Variants in GLI2 observed in about 807,000 individuals in gnomAD.
The protein encoded by GLI2 is GLI family zinc finger 2.
In GLI2, 22 loss-of-function variants were observed where a neutral mutation model predicts 78.9. The observed-to-expected ratio is 0.28, with a 90% CI of 0.20 to 0.40. The LOEUF is 0.40. GLI2 is among the 10% of genes least tolerant of loss of function. The probability of loss-of-function intolerance (pLI) is 1.00; values close to 1 mark genes in which losing one functional copy is unlikely to be tolerated. For synonymous variants in GLI2, 974 were observed against 963.7 expected (o/e 1.01, Z -0.20); for missense variants, 2,097 against 2,213.2 (o/e 0.95, Z 1.05).
chr2:120,782,009 T>A (rs1329376216), intron 1 of GLI2, among the ~76,000 whole-genome samples: 1 of 152,250 alleles, frequency 6.6e-6, no homozygotes, highest in Non-Finnish European at 1.5e-5. Flanking sequence ...GCAGTTATAG[T>A]GTGTATGCAA....
intron 11 of GLI2, among the ~76,000 whole-genome samples, chr2:120,983,264 A>G (rs886080299): frequency 3.9e-5 from 6 of 151,946 alleles, no homozygotes; most frequent in African/African-American, 1.5e-4. Flanking sequence ...TCTGCTCCCT[A>G]TTACTTGGGG....
At chr2:120,813,848 T>G (rs966855857) in intron 2 of GLI2, among the ~76,000 whole-genome samples, 2 of 152,214 alleles carry the variant, frequency 1.3e-5, no homozygotes, top group African/African-American at 4.8e-5. Flanking sequence ...AGATGCATTT[T>G]CTAAGGTTAC....
rs922339682 is a variant in GLI2 at position 120,882,785 on chromosome 2, G to T, written c.149-44576G>T. Among the ~76,000 whole-genome samples the T allele has an allele frequency of 2.6e-5, 4 of 152,074 alleles. No individual in the cohort carries two copies. In the South Asian group the frequency reaches 6.2e-4, roughly 24 times the overall value. On this transcript the variant is annotated intron_variant, in intron 2 of 13. Transcript: ENST00000361492. ...TGGTCTCACATCTGGTCTTAAGTGGGTCTTTTTTTTTTCTTCTCATTTTGT... is the reference window on the plus strand; with the variant it reads ...TGGTCTCACATCTGGTCTTAAGTGGTTCTTTTTTTTTTCTTCTCATTTTGT...
At position 120,822,193 on chromosome 2, in the gene GLI2, G is replaced by C. The variant is rs368611127; in HGVS notation, c.148+24725G>C. Among the ~76,000 whole-genome samples the C allele has an allele frequency of 5.9e-5, 9 of 152,358 alleles. No individual in the cohort carries two copies. In the South Asian group the frequency reaches 1.9e-3, roughly 32 times the overall value. ...GCAAGGATTGTTACAAGGGTTGAGT[G>C]AGCTGTTATCAGCGAAGCACTGAAC... On this transcript the variant is annotated intron_variant, in intron 2 of 13. Coordinates refer to ENST00000361492, the MANE Select transcript of GLI2 (RefSeq NM_001374353.1).
chr2:120,893,657 G>GA (rs554892325), intron 2 of GLI2, among the ~76,000 whole-genome samples: 200 of 129,692 alleles, frequency 1.5e-3, no homozygotes, highest in East Asian at 9.8e-3. Context: ...AAAGAAGAAA[G>GA]AAAAAAAAAA....
At chr2:120,911,822 A>AG (rs1278482559) in intron 2 of GLI2, among the ~76,000 whole-genome samples, 2 of 137,764 alleles carry the variant, frequency 1.5e-5, no homozygotes, top group Non-Finnish European at 3.1e-5. Flanking sequence ...GATGAGGATG[A>AG]GGGGGTGTGG....
At chr2:120,952,807 TC>T (rs1178424493) in intron 4 of GLI2, among the ~76,000 whole-genome samples, 2 of 152,200 alleles carry the variant, frequency 1.3e-5, no homozygotes, top group Non-Finnish European at 2.9e-5. Context: ...CCCAGCCCTA[TC>T]CACATCACTC....
chr2:120,915,182 G>A (rs547896512), intron 2 of GLI2, among the ~76,000 whole-genome samples: 67 of 152,266 alleles, frequency 4.4e-4, no homozygotes, highest in African/African-American at 1.5e-3. Flanking sequence ...TCTCTCTTTC[G>A]GCAGCTAATT....
At position 120,974,779 on chromosome 2, in the gene GLI2, A is replaced by AGTGT. The variant is rs3043526; in HGVS notation, c.1183-175_1183-172dup. ...AGGAAAGGAGCTAAAAAGGCTGATGAGTGTGTGTGTGTGTGTGTGTGTGTC... is the reference window on the plus strand; with the variant it reads ...AGGAAAGGAGCTAAAAAGGCTGATGAGTGTGTGTGTGTGTGTGTGTGTGTGTGTC... On this transcript the variant is annotated intron_variant, in intron 8 of 13. Coordinates refer to ENST00000361492, the MANE Select transcript of GLI2 (RefSeq NM_001374353.1). The AGTGT allele has an allele frequency of 1.4e-3, 892 of 649,284 alleles. 6 individuals carry two copies. The highest frequency in any genetic ancestry group is 0.011 in the African/African-American group (629 of 56,296). 40.2% of individuals were successfully genotyped at this position (649,284 alleles called of 1,614,324 possible).
chr2:120,761,528 A>G lies in GLI2; in HGVS notation c.-31+25243A>G, dbSNP rs550097278. On this transcript the variant is annotated intron_variant, in intron 1 of 13. Coordinates refer to ENST00000361492, the MANE Select transcript of GLI2 (RefSeq NM_001374353.1). ...GTGGACAGAGGAATTTGCAACTGGA[A>G]CCCAGAGGGGGTGTGTGTGCAGAGG... Among the ~76,000 whole-genome samples the G allele has an allele frequency of 6.6e-5, 10 of 152,214 alleles. No individual in the cohort carries two copies. In the East Asian group the frequency reaches 1.7e-3, roughly 26 times the overall value.
intron 2 of GLI2, among the ~76,000 whole-genome samples, chr2:120,819,828 G>T (rs1685679232): frequency 6.6e-6 from 1 of 152,182 alleles, no homozygotes; most frequent in Non-Finnish European, 1.5e-5. Flanking sequence ...ATCTTAGTGT[G>T]GTAACGACTC....
rs370885185 is a variant in GLI2 at position 120,984,668 on chromosome 2, C to T, written c.1830C>T (p.Ser610=). 5 of 1,613,678 alleles carry T rather than the reference C, an allele frequency of 3.1e-6. No individual in the cohort carries two copies. The African/African-American group carries it at 6.7e-5, about 22-fold the overall frequency. The change falls in exon 12 of 14, where the codon AGC becomes AGT. Residue 610 remains serine, a synonymous_variant. Transcript: ENST00000361492. The part of the protein sequence containing the change: ...EAGTEPGGPE[S]TEASSTSQAV... ...GCACGGAGCCTGGCGGCCCAGAGAGCACCGAGGCCAGCAGCACCAGCCAGG... is the reference window on the plus strand; with the variant it reads ...GCACGGAGCCTGGCGGCCCAGAGAGTACCGAGGCCAGCAGCACCAGCCAGG...
chr2:120,910,783 G>T (rs994580678), intron 2 of GLI2, among the ~76,000 whole-genome samples: 2 of 152,192 alleles, frequency 1.3e-5, no homozygotes, highest in African/African-American at 4.8e-5. Context: ...CCCTCCCCTG[G>T]GTCCCTCCCG....
intron 11 of GLI2, among the ~76,000 whole-genome samples, chr2:120,983,185 A>C (rs1386275908): frequency 1.3e-5 from 2 of 152,112 alleles, no homozygotes; most frequent in African/African-American, 4.8e-5. Context: ...AAAGGCCATC[A>C]TGAGGTCCTC....
chr2:120,855,969 C>T (rs1056515751), intron 2 of GLI2, among the ~76,000 whole-genome samples: 1 of 152,186 alleles, frequency 6.6e-6, no homozygotes, highest in African/African-American at 2.4e-5. Flanking sequence ...ACCATTTGTG[C>T]AGCGCCTACT....
At chr2:120,849,746 C>T (rs571359785) in intron 2 of GLI2, among the ~76,000 whole-genome samples, 22 of 152,314 alleles carry the variant, frequency 1.4e-4, no homozygotes, top group African/African-American at 4.6e-4. Context: ...GAAAGAGCAA[C>T]GTCCACATGG....
At chr2:120,923,441 A>C (rs1679497635) in intron 2 of GLI2, among the ~76,000 whole-genome samples, 1 of 152,118 alleles carries the variant, frequency 6.6e-6, no homozygotes, top group South Asian at 2.1e-4. Flanking sequence ...GTATATACAC[A>C]CAGCAACATG....
At chr2:120,848,291 G>A (rs1490237866) in intron 2 of GLI2, among the ~76,000 whole-genome samples, 1 of 152,188 alleles carries the variant, frequency 6.6e-6, no homozygotes, top group Non-Finnish European at 1.5e-5. Flanking sequence ...GCACCAGCTA[G>A]AACGTGGGGC....
intron 2 of GLI2, among the ~76,000 whole-genome samples, chr2:120,919,354 A>T (rs1016281810): frequency 2.0e-5 from 3 of 152,254 alleles, no homozygotes; most frequent in African/African-American, 7.2e-5. Flanking sequence ...CCAAGTAAGA[A>T]TGCCTCCACT....
Sources: gnomAD v4.1 joint callset for allele counts (sites outside exome capture counted in the v4.1 genomes callset) on GRCh38, gnomAD v4.1.1 for gene constraint, MANE v1.5 for transcripts, NCBI Gene and HGNC (gene_info 2026-07-23, HGNC 2026-07-21) for gene names.